The following LRFN2 variants were observed in gnomAD, a reference collection of about 807,000 sequenced individuals.
LRFN2 encodes leucine rich repeat and fibronectin type III domain containing 2.
Under a neutral mutation model 37.3 loss-of-function variants are expected in LRFN2, and 18 were observed. The ratio of observed to expected loss-of-function variants is 0.48; its 90% confidence interval spans 0.33 to 0.72. The LOEUF (loss-of-function observed/expected upper bound fraction) is 0.72, where lower values mean the gene tolerates loss of function less well. Among genes scored for constraint, LRFN2 ranks in the 30% least tolerant of loss-of-function variants. LRFN2 has a pLI of 0.02. For synonymous variants in LRFN2, 556 were observed against 466.6 expected (o/e 1.19, Z -2.47); for missense variants, 1,006 against 1,060.7 (o/e 0.95, Z 0.72).
In LRFN2 at chr6:40,476,856, G is replaced by A. The variant is rs545275690; in HGVS notation, c.-18-43725C>T. On this transcript the variant is annotated intron_variant, in intron 1 of 2. Transcript: ENST00000338305. The stretch of plus-strand genomic sequence containing the variant: ...CAATGGACATCTTCTGCCCCAGTCC[G>A]GCTCACACTCACTGGCAAGTAGAAT... Among the ~76,000 whole-genome samples the A allele has an allele frequency of 1.1e-4, 16 of 152,306 alleles. No homozygotes were observed. The South Asian group carries it at 2.9e-3, about 28-fold the overall frequency.
At chr6:40,471,705 C>T (rs1368959794) in intron 1 of LRFN2, among the ~76,000 whole-genome samples, 1 of 152,190 alleles carries the variant, frequency 6.6e-6, no homozygotes, top group Non-Finnish European at 1.5e-5. Flanking sequence ...TCTGATTGCA[C>T]AACCAGAAAG....
chr6:40,481,735 G>A (rs1764837276), intron 1 of LRFN2, among the ~76,000 whole-genome samples: 1 of 152,112 alleles, frequency 6.6e-6, no homozygotes, highest in South Asian at 2.1e-4. Context: ...CTCCCTGGGT[G>A]AGGTTAGGCT....
chr6:40,478,437 C>T (rs567473939), intron 1 of LRFN2, among the ~76,000 whole-genome samples: 1 of 152,160 alleles, frequency 6.6e-6, no homozygotes, highest in South Asian at 2.1e-4. Context: ...GCAACAGCCC[C>T]GTAAGTACAA....
At chr6:40,510,953 T>A (rs1435967387) in intron 1 of LRFN2, among the ~76,000 whole-genome samples, 1 of 152,118 alleles carries the variant, frequency 6.6e-6, no homozygotes, top group Non-Finnish European at 1.5e-5. Context: ...GAAGCCAGAA[T>A]GTGCTCAGAA....
intron 1 of LRFN2, among the ~76,000 whole-genome samples, chr6:40,568,275 G>A (rs1394784294): frequency 3.3e-5 from 5 of 152,232 alleles, no homozygotes; most frequent in Non-Finnish European, 7.3e-5. Flanking sequence ...GTGGACTGTG[G>A]TGTCTGCCCT....
At chr6:40,560,049 C>A (rs949147706) in intron 1 of LRFN2, among the ~76,000 whole-genome samples, 2 of 152,220 alleles carry the variant, frequency 1.3e-5, no homozygotes, top group Non-Finnish European at 2.9e-5. Flanking sequence ...TGCATTGTCT[C>A]GGTTAGCCCT....
At chr6:40,462,722 C>T (rs1365992460) in intron 1 of LRFN2, among the ~76,000 whole-genome samples, 3 of 152,146 alleles carry the variant, frequency 2.0e-5, no homozygotes, top group Non-Finnish European at 4.4e-5. Flanking sequence ...TCCTACATCT[C>T]CATTTACAGA....
intron 1 of LRFN2, among the ~76,000 whole-genome samples, chr6:40,466,750 T>C (rs1245832129): frequency 2.6e-5 from 4 of 152,194 alleles, no homozygotes; most frequent in Non-Finnish European, 2.9e-5. Context: ...ACGTGTGCTT[T>C]ACTTATTGTT....
At chr6:40,513,529 C>A (rs545382550) in intron 1 of LRFN2, among the ~76,000 whole-genome samples, 1 of 152,210 alleles carries the variant, frequency 6.6e-6, no homozygotes, top group Non-Finnish European at 1.5e-5. Flanking sequence ...CCACTATGCT[C>A]AGCCTCATTT....
intron 1 of LRFN2, among the ~76,000 whole-genome samples, chr6:40,508,273 G>A (rs1221521160): frequency 6.6e-6 from 1 of 152,206 alleles, no homozygotes; most frequent in Non-Finnish European, 1.5e-5. Context: ...GGGCAGATCA[G>A]GGCTTTGGCC....
chr6:40,473,507 G>T (rs1026703651), intron 1 of LRFN2, among the ~76,000 whole-genome samples: 1 of 152,174 alleles, frequency 6.6e-6, no homozygotes, highest in African/African-American at 2.4e-5. Flanking sequence ...TTCCCAGGGT[G>T]CTATAGATAC....
chr6:40,543,377 T>C (rs1440107629), intron 1 of LRFN2, among the ~76,000 whole-genome samples: 1 of 152,216 alleles, frequency 6.6e-6, no homozygotes, highest in African/African-American at 2.4e-5. Context: ...AGACATTAGC[T>C]ATATGAGTCA....
intron 1 of LRFN2, among the ~76,000 whole-genome samples, chr6:40,491,419 C>T (rs1031500640): frequency 1.1e-4 from 17 of 152,200 alleles, no homozygotes; most frequent in South Asian, 2.1e-4. Context: ...AAAGAGTAGC[C>T]GGAGGGCTCC....
chr6:40,428,611 G>A (rs1254886974), intron 2 of LRFN2, among the ~76,000 whole-genome samples: 3 of 152,206 alleles, frequency 2.0e-5, no homozygotes, highest in Admixed American at 6.5e-5. Flanking sequence ...GAAGCCAGAG[G>A]CCGGAGTTCA....
intron 1 of LRFN2, among the ~76,000 whole-genome samples, chr6:40,458,468 A>C (rs1764280100): frequency 6.6e-6 from 1 of 152,040 alleles, no homozygotes; most frequent in African/African-American, 2.4e-5. Context: ...TGTCCACTGC[A>C]CTCTACACGT....
chr6:40,472,910 C>T (rs779794039), intron 1 of LRFN2, among the ~76,000 whole-genome samples: 19 of 152,170 alleles, frequency 1.2e-4, no homozygotes, highest in Non-Finnish European at 2.2e-4. Flanking sequence ...CCCACCCTGG[C>T]ATTCACACCC....
intron 1 of LRFN2, among the ~76,000 whole-genome samples, chr6:40,441,006 G>C (rs190248401): frequency 1.7e-3 from 253 of 152,282 alleles, no homozygotes; most frequent in African/African-American, 5.9e-3. Flanking sequence ...CTGAGACTGG[G>C]CCGCTGTAGA....
At chr6:40,420,952 C>A (rs975349539) in intron 2 of LRFN2, among the ~76,000 whole-genome samples, 1 of 152,172 alleles carries the variant, frequency 6.6e-6, no homozygotes, top group African/African-American at 2.4e-5. Context: ...TAATGGGAGC[C>A]CCTGGGAGTG....
At chr6:40,399,422 TTTTC>T (rs1032947990) in intron 2 of LRFN2, among the ~76,000 whole-genome samples, 6 of 119,602 alleles carry the variant, frequency 5.0e-5, no homozygotes, top group Middle Eastern at 4.4e-3. Flanking sequence ...TTTCTTTTTC[TTTTC>T]TTTTTTTTTT....
Sources: allele counts gnomAD v4.1 joint callset (sites outside exome capture counted in the v4.1 genomes callset), GRCh38; gene constraint gnomAD v4.1.1; transcripts MANE v1.5; gene names NCBI Gene and HGNC (gene_info 2026-07-23, HGNC 2026-07-21).